Variants in RICTOR observed in about 807,000 individuals in gnomAD.
The protein encoded by RICTOR is rapamycin-insensitive companion of mTOR.
In RICTOR, 49 loss-of-function variants were observed where a neutral mutation model predicts 214.9. That is an observed-to-expected ratio of 0.23 (90% CI 0.18 to 0.29). The LOEUF is 0.29. Among genes scored for constraint, RICTOR ranks in the 10% least tolerant of loss-of-function variants. The pLI is 1.00. For synonymous variants in RICTOR, 717 were observed against 711.3 expected (o/e 1.01, Z -0.13); for missense variants, 1,625 against 2,047.0 (o/e 0.79, Z 3.98).
Position 38,967,220 on chromosome 5 carries a change from G to C in RICTOR, c.1159C>G (p.Leu387Val). The C allele has an allele frequency of 1.2e-6, 2 of 1,612,422 alleles. No homozygotes were observed. Among genetic ancestry groups the C allele is most frequent in the Non-Finnish European group, 1.7e-6 (2 of 1,178,490 alleles). The change falls in exon 14 of 38, where the codon CTC (leucine) becomes GTC (valine). Residue 387 changes from leucine (L) to valine (V), a missense_variant. Around this residue, in one of 5 missense-constraint regions of RICTOR, gnomAD observed 1,214 missense variants for 1,470.5 expected, o/e 0.83. Transcript: ENST00000357387. ...ATCAGTGCCAAATAATTATCCATGA[G>C]GTCTGGCCTGGAAAAAACAGCACAG... is the stretch of plus-strand genomic sequence containing the variant. Reference protein sequence around the residue: ...LPHRARSRPDLMDNYLALILS... With the variant: ...LPHRARSRPDVMDNYLALILS...
At chr5:38,976,971 T>C (rs911836030) in intron 9 of RICTOR, among the ~76,000 whole-genome samples, 1 of 152,214 alleles carries the variant, frequency 6.6e-6, no homozygotes, top group Admixed American at 6.5e-5. Flanking sequence ...TGTTATATTG[T>C]CTAGCAGAGC....
At chr5:38,952,506 C>T in intron 29 of RICTOR, 81 bp from the exon 30 acceptor site, 1 of 940,692 alleles carries the variant, frequency 1.1e-6, no homozygotes, top group Non-Finnish European at 1.6e-6. Flanking sequence ...ATTTGCTATA[C>T]ATACTTTGAA....
chr5:38,955,013 CA>C, intron 26 of RICTOR, 152 bp from the exon 27 acceptor site: 1 of 469,388 alleles, frequency 2.1e-6, no homozygotes, highest in South Asian at 3.4e-5. Flanking sequence ...GAGGATTTCT[CA>C]GGTAAAATAT....
intron 3 of RICTOR, among the ~76,000 whole-genome samples, chr5:39,011,377 G>C (rs1006018145): frequency 6.6e-6 from 1 of 152,190 alleles, no homozygotes; most frequent in South Asian, 2.1e-4. Context: ...AGCTCTCATG[G>C]AGAACTTCTG....
intron 7 of RICTOR, among the ~76,000 whole-genome samples, chr5:38,990,501 T>TACGATATATACACGATATATAC (rs1228766342): frequency 0.026 from 1,444 of 55,888 alleles, 40 homozygotes; most frequent in African/African-American, 0.071. Flanking sequence ...AATACATATA[T>TACGATATATACACGATATATAC]ACGATATATA....
At chr5:38,993,021 GAAGT>G (rs1752900430) in intron 6 of RICTOR, among the ~76,000 whole-genome samples, 1 of 152,158 alleles carries the variant, frequency 6.6e-6, no homozygotes, top group Non-Finnish European at 1.5e-5. Flanking sequence ...GAGTAGGAAG[GAAGT>G]AACAATTGTG....
At chr5:39,053,630 C>T (rs1001173362) in intron 2 of RICTOR, among the ~76,000 whole-genome samples, 4 of 152,312 alleles carry the variant, frequency 2.6e-5, no homozygotes, top group East Asian at 3.9e-4. Flanking sequence ...CGGTGGCTCA[C>T]GCCTGTAATC....
intron 3 of RICTOR, among the ~76,000 whole-genome samples, chr5:39,014,213 G>A (rs1754766642): frequency 6.6e-6 from 1 of 152,080 alleles, no homozygotes; most frequent in Admixed American, 6.5e-5. Context: ...CATACCCTGT[G>A]TAATAATGGT....
chr5:39,027,523 T>C (rs1164036938), intron 2 of RICTOR, among the ~76,000 whole-genome samples: 1 of 152,202 alleles, frequency 6.6e-6, no homozygotes. Context: ...GTGTTTTATA[T>C]GTGCTTCATT....
chr5:39,002,439 G>A (rs1265133662), intron 5 of RICTOR, 96 bp downstream of exon 5: 2 of 703,044 alleles, frequency 2.8e-6, no homozygotes, highest in Admixed American at 2.6e-5. Context: ...ATTCATCAAA[G>A]TTACACTACA....
intron 2 of RICTOR, among the ~76,000 whole-genome samples, chr5:39,040,915 C>T (rs891776992): frequency 6.6e-6 from 1 of 152,050 alleles, no homozygotes; most frequent in East Asian, 1.9e-4. Context: ...AAAAGAGGGA[C>T]ATAAATGTCT....
Position 39,002,558 on chromosome 5 carries a change from C to G in RICTOR, c.369G>C (p.Leu123Phe). ...ACCTAGCTATTAAATAGTCCACTTT[C>G]AATTTTAGCACCTTCTGGAGAATAC... The part of the protein sequence containing the change: ...DSSILQKVLK[L>F]KVDYLIARCI... The change falls in exon 5 of 38, where the codon TTG becomes TTC. Residue 123 changes from leucine (L) to phenylalanine (F), a missense_variant. By Grantham distance (22) the Leu-to-Phe change is conservative (BLOSUM62 0). Coordinates refer to ENST00000357387, the MANE Select transcript of RICTOR (RefSeq NM_152756.5). 1 of 1,609,152 alleles carries G rather than the reference C, an allele frequency of 6.2e-7. No individual in the cohort carries two copies.
intron 2 of RICTOR, among the ~76,000 whole-genome samples, chr5:39,053,747 C>T (rs1459614742): frequency 6.7e-6 from 1 of 150,230 alleles, no homozygotes; most frequent in East Asian, 1.9e-4. Context: ...AAAAAATTAG[C>T]CGGGCGAGGT....
At chr5:39,003,526 A>G in intron 4 of RICTOR, 32 bp downstream of exon 4, 1 of 1,381,956 alleles carries the variant, frequency 7.2e-7, no homozygotes, top group Non-Finnish European at 1.0e-6. Context: ...AAAATCTGAA[A>G]GGGATGGGAG....
intron 2 of RICTOR, among the ~76,000 whole-genome samples, chr5:39,060,421 G>GA (rs1474938107): frequency 6.6e-6 from 1 of 151,980 alleles, no homozygotes; most frequent in Admixed American, 6.6e-5. Flanking sequence ...AGAATTAAAG[G>GA]ACTCCTAAAT....
chr5:38,959,255 G>T lies in RICTOR; in HGVS notation c.2118C>A (p.Asp706Glu). The T allele has an allele frequency of 1.2e-6, 2 of 1,601,882 alleles. No homozygotes were observed. The highest frequency in any genetic ancestry group is 2.3e-5 in the South Asian group (2 of 88,708). ...CTCTAGCCAATCCATCTCTGCTATA[G>T]TCCAAGCTAGAAACAGTAAGTTTTA... Reference protein sequence around the residue: ...HLLKLTVSSLDYSRDGLARVI... With the variant: ...HLLKLTVSSLEYSRDGLARVI... The change falls in exon 22 of 38, where the codon GAC (aspartate) becomes GAA (glutamate). Residue 706 changes from aspartate (D) to glutamate (E), a missense_variant. By Grantham distance (45) the Asp-to-Glu change is conservative. Transcript: ENST00000357387.
chr5:39,004,106 T>C (rs1020678273), intron 3 of RICTOR, among the ~76,000 whole-genome samples: 1 of 152,170 alleles, frequency 6.6e-6, no homozygotes, highest in Non-Finnish European at 1.5e-5. Flanking sequence ...ATTTAGTCAA[T>C]ATCAGTTTAT....
At chr5:38,968,074 C>G (rs747184751) in intron 11 of RICTOR, 44 bp from the exon 12 acceptor site, 8 of 1,120,598 alleles carry the variant, frequency 7.1e-6, no homozygotes, top group Admixed American at 1.8e-5. Flanking sequence ...TTATGAAACA[C>G]TTTTAAGATT....
chr5:38,980,829 G>C (rs1396663133), intron 8 of RICTOR: 2 of 152,124 alleles, frequency 1.3e-5, no homozygotes, highest in South Asian at 2.1e-4. Context: ...CTGGGCAACA[G>C]AGTGAGACCC....
Sources: allele counts gnomAD v4.1 joint callset (sites outside exome capture counted in the v4.1 genomes callset), GRCh38; gene constraint gnomAD v4.1.1; regional missense constraint gnomAD v4.1.1; transcripts MANE v1.5; gene names NCBI Gene and HGNC (gene_info 2026-07-23, HGNC 2026-07-21).